The following ADCY2 variants were observed in gnomAD, a reference collection of about 807,000 sequenced individuals.
ADCY2 encodes the protein adenylate cyclase type 2.
Under a neutral mutation model 125.2 loss-of-function variants are expected in ADCY2, and 31 were observed. The observed-to-expected ratio is 0.25, with a 90% CI of 0.19 to 0.33. ADCY2 has a LOEUF of 0.33. Among genes scored for constraint, ADCY2 ranks in the 10% least tolerant of loss-of-function variants. ADCY2 has a pLI of 1.00. For synonymous variants in ADCY2, 512 were observed against 548.4 expected, an observed-to-expected ratio of 0.93 and a Z score of 0.93; for missense variants, 904 against 1,418.2, an observed-to-expected ratio of 0.64 and a Z score of 5.82.
At chr5:7,482,095 T>A (rs934541271) in intron 2 of ADCY2, among the ~76,000 whole-genome samples, 7 of 152,166 alleles carry the variant, frequency 4.6e-5, no homozygotes, top group Admixed American at 2.6e-4. Flanking sequence ...TCAGAAATGG[T>A]ATAAGATTTA....
intron 5 of ADCY2, among the ~76,000 whole-genome samples, chr5:7,693,314 G>A (rs552793418): frequency 6.6e-6 from 1 of 152,092 alleles, no homozygotes; most frequent in African/African-American, 2.4e-5. Context: ...GGCTCTAGGT[G>A]GGGTTTTCTC....
intron 3 of ADCY2, among the ~76,000 whole-genome samples, chr5:7,586,835 A>G (rs1736643469): frequency 6.6e-6 from 1 of 152,140 alleles, no homozygotes; most frequent in African/African-American, 2.4e-5. Flanking sequence ...CATGGATCCT[A>G]TTCTATGTCT....
In ADCY2 at chr5:7,706,610, C is replaced by T; in HGVS notation, c.1110-134C>T. ...CTTCTTAGCTCAGAGGAGTGATCTC[C>T]TGCCATAGGAAGGTTTATGGTCATT... On this transcript the variant is annotated intron_variant, in intron 7 of 24. Transcript: ENST00000338316. 6 of 975,184 alleles carry T rather than the reference C, an allele frequency of 6.2e-6. 1 individual carries two copies. Among genetic ancestry groups the T allele is most frequent in the Non-Finnish European group, 9.4e-6 (6 of 638,240 alleles). 60.4% of individuals were successfully genotyped at this position (975,184 alleles called of 1,614,324 possible). A position where few individuals can be genotyped will look rare whatever the true frequency, so the allele number is the denominator to read the frequency against.
intron 4 of ADCY2, among the ~76,000 whole-genome samples, chr5:7,637,649 TCAA>T (rs1241262252): frequency 2.0e-5 from 3 of 152,116 alleles, no homozygotes; most frequent in Admixed American, 6.6e-5. Flanking sequence ...GAATAAAATG[TCAA>T]CAAGATTTTA....
Position 7,820,559 on chromosome 5 carries a change from G to T in ADCY2, c.2999-6G>T. On this transcript the variant is annotated splice_polypyrimidine_tract_variant and splice_region_variant and intron_variant, in intron 23 of 24. Transcript: ENST00000338316. Reference sequence around the variant, plus strand: ...ATCTTGCTAACTCAACTCTGATGTGGCACAGGTATTAACCATGGACCTGTG... The same window carrying T: ...ATCTTGCTAACTCAACTCTGATGTGTCACAGGTATTAACCATGGACCTGTG... 6.2e-7 allele frequency: 1 copy of T among 1,613,512 alleles called. No homozygotes were observed. The highest frequency in any genetic ancestry group is 8.5e-7 in the Non-Finnish European group (1 of 1,179,650).
intron 3 of ADCY2, among the ~76,000 whole-genome samples, chr5:7,547,191 G>A (rs1735173409): frequency 2.0e-5 from 3 of 152,200 alleles, no homozygotes. Flanking sequence ...AGCAGAGACT[G>A]CTGGCTTTCT....
chr5:7,580,951 C>A (rs1468460042), intron 3 of ADCY2, among the ~76,000 whole-genome samples: 1 of 152,144 alleles, frequency 6.6e-6, no homozygotes, highest in African/African-American at 2.4e-5. Flanking sequence ...ACATCTTAGA[C>A]CACAGCTCTA....
chr5:7,546,967 A>G (rs1735167146), intron 3 of ADCY2, among the ~76,000 whole-genome samples: 1 of 152,124 alleles, frequency 6.6e-6, no homozygotes, highest in East Asian at 1.9e-4. Flanking sequence ...ACAACTTTAC[A>G]TCATTATTTG....
chr5:7,660,082 C>T (rs1363180750), intron 4 of ADCY2, among the ~76,000 whole-genome samples: 1 of 152,104 alleles, frequency 6.6e-6, no homozygotes, highest in Non-Finnish European at 1.5e-5. Context: ...TTATCAGGTA[C>T]TATGCTTACT....
intron 4 of ADCY2, among the ~76,000 whole-genome samples, chr5:7,639,116 A>G (rs1173927380): frequency 6.6e-6 from 1 of 152,138 alleles, no homozygotes; most frequent in African/African-American, 2.4e-5. Context: ...AGTCTCGGGT[A>G]TGTGTTTATC....
chr5:7,757,529 G>T lies in ADCY2; in HGVS notation c.2037G>T (p.Arg679=), dbSNP rs906602716. The change falls in exon 16 of 25, where the codon CGG becomes CGT. Residue 679 remains arginine (R), a synonymous_variant. Coordinates refer to ENST00000338316, the MANE Select transcript of ADCY2 (RefSeq NM_020546.3). ...TCATTGCCAACCGCCCCTGGCCACG[G>T]ATCTCTCTCACGATCATCACCACAG... The part of the protein sequence containing the change: ...SGIIANRPWP[R]ISLTIITTAI... The T allele has an allele frequency of 3.1e-6, 5 of 1,613,464 alleles. No individual in the cohort carries two copies. Among genetic ancestry groups the T allele is most frequent in the Non-Finnish European group, 4.2e-6 (5 of 1,179,962 alleles).
chr5:7,656,343 G>A (rs1178523164), intron 4 of ADCY2, among the ~76,000 whole-genome samples: 6 of 152,110 alleles, frequency 3.9e-5, no homozygotes, highest in Admixed American at 1.3e-4. Flanking sequence ...CGTGAGCCAC[G>A]GCACCCGGCC....
intron 19 of ADCY2, among the ~76,000 whole-genome samples, chr5:7,787,359 G>A (rs1202481770): frequency 6.6e-6 from 1 of 152,192 alleles, no homozygotes; most frequent in Non-Finnish European, 1.5e-5. Flanking sequence ...CACCCGTCTT[G>A]AGGTTTAGGG....
At position 7,751,954 on chromosome 5, in the gene ADCY2, G is replaced by A. The variant is rs1475491221; in HGVS notation, c.1957-5495G>A. ...TAAACAGAATCAACACGTATTTGAC[G>A]AGTTCCTACCATTTAACAAACACTA... On this transcript the variant is annotated intron_variant, in intron 15 of 24. Coordinates refer to ENST00000338316, the MANE Select transcript of ADCY2 (RefSeq NM_020546.3). Among the ~76,000 whole-genome samples, 4 of 152,056 alleles carry A rather than the reference G, an allele frequency of 2.6e-5. 1 individual carries two copies. Among genetic ancestry groups the A allele is most frequent in the South Asian group, 4.2e-4 (2 of 4,814 alleles).
chr5:7,681,272 A>T (rs1225768901), intron 4 of ADCY2, among the ~76,000 whole-genome samples: 1 of 152,176 alleles, frequency 6.6e-6, no homozygotes, highest in Non-Finnish European at 1.5e-5. Flanking sequence ...TGCAGAAATG[A>T]TGGGTACATC....
chr5:7,506,731 A>T (rs1427801646), intron 2 of ADCY2, among the ~76,000 whole-genome samples: 1 of 151,426 alleles, frequency 6.6e-6, no homozygotes, highest in Non-Finnish European at 1.5e-5. Context: ...TCTGAATACT[A>T]ATGAAAGTGA....
chr5:7,762,047 C>T (rs766865699), intron 16 of ADCY2, among the ~76,000 whole-genome samples: 7 of 152,280 alleles, frequency 4.6e-5, no homozygotes, highest in Middle Eastern at 3.4e-3. Flanking sequence ...ACATACCAAG[C>T]TGCCTTCTGT....
intron 22 of ADCY2, among the ~76,000 whole-genome samples, chr5:7,807,802 G>T (rs1423785015): frequency 6.6e-6 from 1 of 151,978 alleles, no homozygotes; most frequent in Non-Finnish European, 1.5e-5. Flanking sequence ...TCAGCCTACT[G>T]CCCTGACCCA....
intron 1 of ADCY2, among the ~76,000 whole-genome samples, chr5:7,401,667 G>A (rs1254238680): frequency 3.3e-5 from 5 of 152,190 alleles, no homozygotes; most frequent in African/African-American, 9.7e-5. Flanking sequence ...AGCCTCAAAT[G>A]TGGCTGTGCT....
Sources: allele counts gnomAD v4.1 joint callset (sites outside exome capture counted in the v4.1 genomes callset), GRCh38; gene constraint gnomAD v4.1.1; transcripts MANE v1.5; gene names NCBI Gene and HGNC (gene_info 2026-07-23, HGNC 2026-07-21).